Variants in SMAD6 observed in about 807,000 individuals in gnomAD.
SMAD6 encodes MAD homolog 6.
In SMAD6, 103 loss-of-function variants were observed where a neutral mutation model predicts 39.4. That is an observed-to-expected ratio of 2.62 (90% confidence interval 2.23 to 3.08). The LOEUF (loss-of-function observed/expected upper bound fraction) is 3.08, where lower values mean the gene tolerates loss of function less well. Among genes scored for constraint, SMAD6 ranks in the 30% most tolerant of loss-of-function variants. The pLI is 0.00. For synonymous variants in SMAD6, 445 were observed against 353.3 expected, an observed-to-expected ratio of 1.26 and a Z score of -2.91; for missense variants, 1,104 against 742.9, an observed-to-expected ratio of 1.49 and a Z score of -5.65.
intron 3 of SMAD6, among the ~76,000 whole-genome samples, chr15:66,751,140 A>G (rs1893998669): frequency 6.6e-6 from 1 of 152,118 alleles, no homozygotes; most frequent in Non-Finnish European, 1.5e-5. Flanking sequence ...CTCTGAGTAA[A>G]AGCACTTTGC....
In SMAD6 at chr15:66,754,612, G is replaced by A. The variant is rs532546511; in HGVS notation, c.953-26385G>A. Among the ~76,000 whole-genome samples the A allele has an allele frequency of 2.0e-5, 3 of 152,212 alleles. No individual in the cohort carries two copies. In the South Asian group the frequency reaches 6.2e-4, roughly 32 times the overall value. On this transcript the variant is annotated intron_variant, in intron 3 of 3. Coordinates refer to ENST00000288840, the MANE Select transcript of SMAD6 (RefSeq NM_005585.5). ...GTGCCTTCTATGCTGGGCTTTGTAGGGTTATGCAGAATGAATGCCTACTAG... is the reference window on the plus strand; with the variant it reads ...GTGCCTTCTATGCTGGGCTTTGTAGAGTTATGCAGAATGAATGCCTACTAG...
intron 3 of SMAD6, chr15:66,717,308 C>A (rs758631608): frequency 8.6e-6 from 4 of 464,438 alleles, no homozygotes; most frequent in Non-Finnish European, 1.7e-5. Context: ...GTGTCTCCAT[C>A]TGAGACATTC....
At chr15:66,755,248 T>C (rs866137611) in intron 3 of SMAD6, among the ~76,000 whole-genome samples, 34 of 152,118 alleles carry the variant, frequency 2.2e-4, no homozygotes, top group African/African-American at 8.2e-4. Context: ...AGTTTGAGGA[T>C]CCAGCAGAAA....
At chr15:66,704,197 C>A in intron 1 of SMAD6, 122 bp downstream of exon 1, 1 of 757,546 alleles carries the variant, frequency 1.3e-6, no homozygotes, top group East Asian at 3.4e-5. Flanking sequence ...GCCCTTGGAG[C>A]GTGGGAGCCA....
At chr15:66,720,899 C>T (rs1385024841) in intron 3 of SMAD6, among the ~76,000 whole-genome samples, 5 of 152,138 alleles carry the variant, frequency 3.3e-5, no homozygotes, top group Non-Finnish European at 7.3e-5. Context: ...TATCTCAGTC[C>T]TCACAGCATG....
At position 66,781,063 on chromosome 15, in the gene SMAD6, G is replaced by A; in HGVS notation, c.1019G>A (p.Arg340Gln). 6.2e-7 allele frequency: 1 copy of A among 1,603,712 alleles called. No homozygotes were observed. The highest frequency in any genetic ancestry group is 8.5e-7 in the Non-Finnish European group (1 of 1,178,444). ...HWCSVAYWEH[R>Q]TRVGRLYAVY... Reference sequence around the variant, plus strand: ...TGCAGCGTGGCGTACTGGGAGCACCGGACGCGCGTGGGCCGCCTCTATGCG... The same window carrying A: ...TGCAGCGTGGCGTACTGGGAGCACCAGACGCGCGTGGGCCGCCTCTATGCG... The change falls in exon 4 of 4, where the codon CGG becomes CAG. Residue 340 changes from arginine to glutamine, a missense_variant. Arg to Gln is a conservative substitution (Grantham distance 43). Coordinates refer to ENST00000288840, the MANE Select transcript of SMAD6 (RefSeq NM_005585.5).
intron 3 of SMAD6, among the ~76,000 whole-genome samples, chr15:66,775,168 C>G (rs996575760): frequency 2.6e-5 from 4 of 152,046 alleles, no homozygotes; most frequent in Admixed American, 6.6e-5. Flanking sequence ...GGCCACTGTT[C>G]TGATTTACGT....
At chr15:66,773,147 G>A (rs569881011) in intron 3 of SMAD6, among the ~76,000 whole-genome samples, 6 of 140,082 alleles carry the variant, frequency 4.3e-5, no homozygotes, top group Non-Finnish European at 6.2e-5. Flanking sequence ...TGTAATGACC[G>A]ATTAGGAACT....
chr15:66,753,336 C>T (rs559185633), intron 3 of SMAD6, among the ~76,000 whole-genome samples: 3 of 152,320 alleles, frequency 2.0e-5, no homozygotes, highest in Non-Finnish European at 2.9e-5. Flanking sequence ...TCACCCCAGT[C>T]GCAGGGATCT....
At chr15:66,721,200 A>G (rs1390808896) in intron 3 of SMAD6, among the ~76,000 whole-genome samples, 5 of 149,798 alleles carry the variant, frequency 3.3e-5, no homozygotes, top group Non-Finnish European at 7.4e-5. Context: ...TAGGGTTGCA[A>G]CCCAAGGTGG....
intron 3 of SMAD6, among the ~76,000 whole-genome samples, chr15:66,748,606 T>C (rs1893946777): frequency 6.6e-6 from 1 of 152,194 alleles, no homozygotes; most frequent in Admixed American, 6.5e-5. Flanking sequence ...TTGCATACTT[T>C]CATCTTTAAA....
At chr15:66,722,779 C>T (rs1017679721) in intron 3 of SMAD6, among the ~76,000 whole-genome samples, 2 of 151,374 alleles carry the variant, frequency 1.3e-5, no homozygotes, top group Non-Finnish European at 2.9e-5. Flanking sequence ...GAGGGGGGGT[C>T]GGCAGGAGTG....
intron 2 of SMAD6, 42 bp downstream of exon 2, chr15:66,711,766 G>A (rs750327493): frequency 2.1e-5 from 31 of 1,508,122 alleles, no homozygotes; most frequent in Admixed American, 3.4e-5. Context: ...GGTGTGTCCC[G>A]AACTGGGTCC....
chr15:66,714,983 G>C (rs1893299133), intron 2 of SMAD6, among the ~76,000 whole-genome samples: 1 of 150,124 alleles, frequency 6.7e-6, no homozygotes, highest in Non-Finnish European at 1.5e-5. Context: ...GGAACATTAG[G>C]TATTAAAAGC....
At chr15:66,740,546 G>C (rs988936474) in intron 3 of SMAD6, 1 of 152,172 alleles carries the variant, frequency 6.6e-6, no homozygotes, top group African/African-American at 2.4e-5. Flanking sequence ...CTGAGTCTTG[G>C]TGTTTCTTCT....
intron 3 of SMAD6, among the ~76,000 whole-genome samples, chr15:66,728,757 A>G (rs754109508): frequency 5.0e-4 from 76 of 152,108 alleles, no homozygotes; most frequent in Non-Finnish European, 8.8e-4. Flanking sequence ...CTGCCAGATA[A>G]TATTCTGTGG....
chr15:66,775,091 A>G (rs1894443806), intron 3 of SMAD6, among the ~76,000 whole-genome samples: 2 of 151,936 alleles, frequency 1.3e-5, no homozygotes, highest in Non-Finnish European at 2.9e-5. Flanking sequence ...CGAACTCCTG[A>G]CCTCAGGTGA....
chr15:66,707,202 C>T (rs1893132108), intron 1 of SMAD6: 1 of 152,208 alleles, frequency 6.6e-6, no homozygotes, highest in African/African-American at 2.4e-5. Flanking sequence ...CAGCTCTAAC[C>T]TGTGTTTATA....
At chr15:66,742,265 A>C (rs2140637770) in intron 3 of SMAD6, among the ~76,000 whole-genome samples, 1 of 152,058 alleles carries the variant, frequency 6.6e-6, no homozygotes, top group East Asian at 1.9e-4. Flanking sequence ...GCATCCCCTC[A>C]CCGCCCTGAG....
Sources: gnomAD v4.1 joint callset for allele counts (sites outside exome capture counted in the v4.1 genomes callset) on GRCh38, gnomAD v4.1.1 for gene constraint, MANE v1.5 for transcripts, NCBI Gene and HGNC (gene_info 2026-07-23, HGNC 2026-07-21) for gene names.